The following CRYL1 variants were observed in gnomAD, a reference collection of about 807,000 sequenced individuals.
The protein encoded by CRYL1 is lambda-crystallin homolog.
A neutral mutation model predicts 36.6 loss-of-function variants in CRYL1; 29 were observed. The ratio of observed to expected loss-of-function variants is 0.79; its 90% CI spans 0.59 to 1.08. CRYL1 has a LOEUF of 1.08. Ranked by LOEUF, CRYL1 falls within the 50% of genes least tolerant of loss-of-function variation. The pLI is 0.00. For missense variants in CRYL1, 411 were observed against 407.9 expected (o/e 1.01, Z -0.06); for synonymous variants, 152 against 151.5 (o/e 1.00, Z -0.02).
chr13:20,519,819 C>T (rs1388557514), intron 1 of CRYL1, among the ~76,000 whole-genome samples: 1 of 151,892 alleles, frequency 6.6e-6, no homozygotes, highest in African/African-American at 2.4e-5. Context: ...TCAATCAAGC[C>T]AAGTATTTAA....
At chr13:20,520,366 T>C (rs2034071688) in intron 1 of CRYL1, among the ~76,000 whole-genome samples, 1 of 152,160 alleles carries the variant, frequency 6.6e-6, no homozygotes, top group African/African-American at 2.4e-5. Context: ...GAAGCAATCA[T>C]GAGGGAGGGA....
Position 20,426,355 on chromosome 13 carries a change from T to G in CRYL1, c.633+5747A>C, listed in dbSNP as rs1384117919. Among the ~76,000 whole-genome samples, 6 of 151,644 alleles carry G rather than the reference T, an allele frequency of 4.0e-5. No homozygotes were observed. The East Asian group carries it at 9.7e-4, about 24-fold the overall frequency. On this transcript the variant is annotated intron_variant, in intron 5 of 7. Transcript: ENST00000298248. Reference sequence around the variant, plus strand: ...GACTCCTGGGCTCAAGCAATCCCCCTGCCTCAGCTTCCTCGGTAGCTGGGA... The same window carrying G: ...GACTCCTGGGCTCAAGCAATCCCCCGGCCTCAGCTTCCTCGGTAGCTGGGA...
intron 3 of CRYL1, among the ~76,000 whole-genome samples, chr13:20,455,119 C>T (rs4322508): frequency 0.94 from 142,678 of 152,306 alleles, 66,876 homozygotes; most frequent in East Asian, 1. Context: ...TATAAAAAAA[C>T]TGTATTTCTA....
Position 20,404,180 on chromosome 13 carries a change from G to C in CRYL1, c.909C>G (p.Asp303Glu), listed in dbSNP as rs41292237. The part of the protein sequence containing the change: ...EHLAARRQWR[D>E]ECLMRLAKLK... ...ACTTGGCGAGTCTCATGAGGCACTC[G>C]TCCCTCCACTGCCTCCTGGCAGCTA... Residue 303 changes from aspartate to glutamate, a missense_variant, in exon 8 of 8, where the codon GAC (aspartate) becomes GAG (glutamate). Physicochemically the swap from Asp to Glu is conservative, Grantham distance 45 (BLOSUM62 2). Transcript: ENST00000298248. The C allele has an allele frequency of 1.1e-5, 17 of 1,613,864 alleles. No individual in the cohort carries two copies. The highest frequency in any genetic ancestry group is 1.4e-5 in the Non-Finnish European group (17 of 1,179,976).
intron 3 of CRYL1, among the ~76,000 whole-genome samples, chr13:20,457,739 C>T (rs575784892): frequency 6.6e-6 from 1 of 152,318 alleles, no homozygotes; most frequent in Admixed American, 6.5e-5. Context: ...CTCAAAGGAC[C>T]AAAAGCTGTG....
At chr13:20,412,089 C>G (rs1299577746) in intron 6 of CRYL1, among the ~76,000 whole-genome samples, 1 of 152,148 alleles carries the variant, frequency 6.6e-6, no homozygotes, top group Non-Finnish European at 1.5e-5. Context: ...CTCTCAACAT[C>G]TAAACCTCCC....
chr13:20,431,157 C>A, intron 5 of CRYL1: 1 of 985,446 alleles, frequency 1.0e-6, no homozygotes, highest in African/African-American at 1.7e-5. Context: ...TTTGGAAGAA[C>A]TGCTGGGAAA....
At chr13:20,478,177 T>C (rs2033203835) in intron 3 of CRYL1, among the ~76,000 whole-genome samples, 2 of 152,002 alleles carry the variant, frequency 1.3e-5, no homozygotes, top group African/African-American at 4.8e-5. Context: ...ATGTATGCCA[T>C]GACCACTTTT....
At chr13:20,477,925 T>A (rs1301435097) in intron 3 of CRYL1, among the ~76,000 whole-genome samples, 3 of 146,314 alleles carry the variant, frequency 2.1e-5, no homozygotes. Flanking sequence ...TAGTATATAT[T>A]ACAGTATATT....
chr13:20,425,157 C>T lies in CRYL1; in HGVS notation c.633+6945G>A, dbSNP rs756795237. 2.8e-4 allele frequency among the ~76,000 whole-genome samples: 42 copies of T among 152,208 alleles called. No homozygotes were observed. The highest frequency in any genetic ancestry group is 1.9e-4 in the African/African-American group (8 of 41,462). ...AACCACAGCAATTCACTTCCAACGC[C>T]GTCCTTCCCCAGAAAAGCTGCCAGC... is the stretch of plus-strand genomic sequence containing the variant. On this transcript the variant is annotated intron_variant, in intron 5 of 7. Transcript: ENST00000298248. This position sits in a 1 kb window ranked among gnomAD's most constrained non-coding sequence, Gnocchi z 4.4.
At chr13:20,483,912 G>A (rs2033337515) in intron 3 of CRYL1, among the ~76,000 whole-genome samples, 1 of 152,146 alleles carries the variant, frequency 6.6e-6, no homozygotes, top group Non-Finnish European at 1.5e-5. Flanking sequence ...CACCTCGCAG[G>A]TTCAAGTGAT....
intron 6 of CRYL1, among the ~76,000 whole-genome samples, chr13:20,410,273 A>G (rs1170294411): frequency 1.3e-5 from 2 of 149,710 alleles, no homozygotes; most frequent in African/African-American, 2.5e-5. Context: ...TCAGTAAACT[A>G]TCGCAAGAAC....
At chr13:20,510,192 A>G (rs1467093184) in intron 2 of CRYL1, among the ~76,000 whole-genome samples, 8 of 152,244 alleles carry the variant, frequency 5.3e-5, no homozygotes, top group Non-Finnish European at 1.2e-4. Context: ...ACTTATGTCC[A>G]TACAAAAACC....
chr13:20,486,319 G>A (rs1285581066), intron 3 of CRYL1, among the ~76,000 whole-genome samples: 1 of 152,174 alleles, frequency 6.6e-6, no homozygotes, highest in African/African-American at 2.4e-5. Context: ...TAATTCTTCA[G>A]GTTGGCATTC....
chr13:20,522,910 A>AATTTT (rs2034121741), intron 1 of CRYL1, among the ~76,000 whole-genome samples: 1 of 58,190 alleles, frequency 1.7e-5, no homozygotes, highest in African/African-American at 5.0e-5. Flanking sequence ...ACCCATTTCT[A>AATTTT]CTTTTTTTTT....
At position 20,525,716 on chromosome 13, in the gene CRYL1, G is replaced by C. The variant is rs1251084766; in HGVS notation, c.41+38C>G. ...GGCACCACGTCCCCGGCGTCTCCCC[G>C]GGCTCCAGGGGCAGCAGCGCGGCTC... On this transcript the variant is annotated intron_variant, in intron 1 of 7. Coordinates refer to ENST00000298248, the MANE Select transcript of CRYL1 (RefSeq NM_015974.3). This position sits in a 1 kb window ranked among gnomAD's most constrained non-coding sequence, Gnocchi z 4.3. 1 of 1,337,750 alleles carries C rather than the reference G, an allele frequency of 7.5e-7. No individual in the cohort carries two copies. Among genetic ancestry groups the C allele is most frequent in the Non-Finnish European group, 9.6e-7 (1 of 1,040,498 alleles). 82.9% of individuals were successfully genotyped at this position (1,337,750 alleles called of 1,614,324 possible). A position where few individuals can be genotyped will look rare whatever the true frequency, so the allele number is the denominator to read the frequency against.
intron 2 of CRYL1, among the ~76,000 whole-genome samples, chr13:20,497,834 A>G (rs1028960259): frequency 6.6e-6 from 1 of 151,248 alleles, no homozygotes; most frequent in Admixed American, 6.6e-5. Context: ...ACCACCATAC[A>G]TACACCACAT....
chr13:20,511,380 C>A lies in CRYL1; in HGVS notation c.149+1063G>T, dbSNP rs549533501. On this transcript the variant is annotated intron_variant, in intron 2 of 7. Coordinates refer to ENST00000298248, the MANE Select transcript of CRYL1 (RefSeq NM_015974.3). ...GTGCTGGGATTACAGGTGTGAGCTACCAGGCCTGGACAAGGTTTTTGTTTT... is the reference window on the plus strand; with the variant it reads ...GTGCTGGGATTACAGGTGTGAGCTAACAGGCCTGGACAAGGTTTTTGTTTT... Among the ~76,000 whole-genome samples the A allele has an allele frequency of 5.9e-5, 9 of 152,260 alleles. No homozygotes were observed. The South Asian group carries it at 1.9e-3, about 32-fold the overall frequency.
At chr13:20,451,020 T>C (rs995888924) in intron 3 of CRYL1, among the ~76,000 whole-genome samples, 9 of 141,860 alleles carry the variant, frequency 6.3e-5, no homozygotes, top group African/African-American at 2.4e-4. Flanking sequence ...ATGAGAACAC[T>C]TGGACACAGG....
Sources: gnomAD v4.1 joint callset for allele counts (sites outside exome capture counted in the v4.1 genomes callset) on GRCh38, gnomAD v4.1.1 for gene constraint, Gnocchi (gnomAD v3.1) non-coding constraint, MANE v1.5 for transcripts, NCBI Gene and HGNC (gene_info 2026-07-23, HGNC 2026-07-21) for gene names.